STAU2: variants seen among roughly 807,000 people sequenced by gnomAD.
STAU2 encodes staufen double-stranded RNA binding protein 2.
Under a neutral mutation model 65.9 loss-of-function variants are expected in STAU2, and 20 were observed. The observed-to-expected ratio is 0.30, with a 90% CI of 0.21 to 0.44. The LOEUF (loss-of-function observed/expected upper bound fraction) is 0.44. Among genes scored for constraint, STAU2 ranks in the 20% least tolerant of loss-of-function variants. The pLI, the probability that STAU2 is intolerant of heterozygous loss-of-function variation, is 1.00. For missense variants in STAU2, 558 were observed against 683.9 expected, an observed-to-expected ratio of 0.82 and a Z score of 2.05; for synonymous variants, 232 against 233.9, an observed-to-expected ratio of 0.99 and a Z score of 0.07.
intron 13 of STAU2, among the ~76,000 whole-genome samples, chr8:73,533,273 TC>T (rs1238074883): frequency 1.3e-5 from 2 of 152,260 alleles, no homozygotes; most frequent in African/African-American, 4.8e-5. Flanking sequence ...ATATTTTGTT[TC>T]TTTCTCATGA....
chr8:73,552,368 T>C (rs771917720), intron 12 of STAU2, 49 bp from the exon 13 acceptor site: 2 of 1,489,626 alleles, frequency 1.3e-6, no homozygotes, highest in Non-Finnish European at 1.8e-6. Flanking sequence ...ATAACCGAAA[T>C]AGAAACATAG....
chr8:73,454,842 A>G (rs1043730482), intron 13 of STAU2, among the ~76,000 whole-genome samples: 3 of 152,212 alleles, frequency 2.0e-5, no homozygotes, highest in African/African-American at 7.2e-5. Context: ...TTTATAGTAA[A>G]GCCACAGTAG....
At chr8:73,580,842 T>C (rs903990938) in intron 12 of STAU2, among the ~76,000 whole-genome samples, 14 of 152,164 alleles carry the variant, frequency 9.2e-5, no homozygotes, top group Admixed American at 4.6e-4. Context: ...AAAGAACTCT[T>C]AGAGCAGCTT....
At chr8:73,506,427 G>C (rs1478354796) in intron 13 of STAU2, among the ~76,000 whole-genome samples, 1 of 151,900 alleles carries the variant, frequency 6.6e-6, no homozygotes, top group Non-Finnish European at 1.5e-5. Context: ...AACTTTTTTT[G>C]TTTCCCAGTC....
chr8:73,731,960 A>T (rs989552308), intron 3 of STAU2, among the ~76,000 whole-genome samples: 3 of 152,178 alleles, frequency 2.0e-5, no homozygotes, highest in African/African-American at 4.8e-5. Flanking sequence ...AAAAAAATTT[A>T]AAAACAAACA....
At chr8:73,714,911 G>A (rs146191003) in intron 3 of STAU2, among the ~76,000 whole-genome samples, 4 of 151,868 alleles carry the variant, frequency 2.6e-5, no homozygotes, top group Non-Finnish European at 4.4e-5. Context: ...GTGAAACCCC[G>A]TCTCTACAAA....
chr8:73,484,728 G>C (rs1285229922), intron 13 of STAU2, among the ~76,000 whole-genome samples: 1 of 152,006 alleles, frequency 6.6e-6, no homozygotes, highest in African/African-American at 2.4e-5. Flanking sequence ...TGACCAGCCT[G>C]TGATTCCCAG....
chr8:73,649,706 C>T (rs1331373766), intron 6 of STAU2, among the ~76,000 whole-genome samples: 1 of 151,362 alleles, frequency 6.6e-6, no homozygotes, highest in African/African-American at 2.4e-5. Context: ...ATGGACAGGG[C>T]AGTTTGTATG....
chr8:73,601,409 C>A (rs1436143492), intron 10 of STAU2, among the ~76,000 whole-genome samples: 1 of 151,792 alleles, frequency 6.6e-6, no homozygotes, highest in Non-Finnish European at 1.5e-5. Context: ...AATAAAATAC[C>A]CAAATAATGT....
intron 13 of STAU2, among the ~76,000 whole-genome samples, chr8:73,441,866 AATTAT>A (rs1563594046): frequency 6.6e-6 from 1 of 152,218 alleles, no homozygotes; most frequent in Non-Finnish European, 1.5e-5. Context: ...GTTTTATGTC[AATTAT>A]ATTATCACAA....
At chr8:73,703,709 T>C (rs1820286413) in intron 4 of STAU2, among the ~76,000 whole-genome samples, 1 of 151,832 alleles carries the variant, frequency 6.6e-6, no homozygotes, top group Non-Finnish European at 1.5e-5. Flanking sequence ...CTGGTAGGAG[T>C]ACATACCACT....
chr8:73,605,464 A>G (rs893953710), intron 9 of STAU2, among the ~76,000 whole-genome samples: 1 of 151,820 alleles, frequency 6.6e-6, no homozygotes, highest in Non-Finnish European at 1.5e-5. Context: ...GCACGCCACC[A>G]TGCCTGGTTA....
At chr8:73,620,104 T>C (rs1813118747) in intron 6 of STAU2, among the ~76,000 whole-genome samples, 1 of 152,226 alleles carries the variant, frequency 6.6e-6, no homozygotes, top group Non-Finnish European at 1.5e-5. Context: ...AGAAATTTAT[T>C]TTAATTCCTT....
chr8:73,474,326 A>G (rs1330016095), intron 13 of STAU2, among the ~76,000 whole-genome samples: 2 of 152,176 alleles, frequency 1.3e-5, no homozygotes, highest in African/African-American at 2.4e-5. Context: ...ACCTTATAAA[A>G]TGCAAATAAA....
In STAU2 at chr8:73,552,176, G is replaced by A. The variant is rs765489364; in HGVS notation, c.1366C>T (p.Pro456Ser). Reference protein sequence around the residue: ...QPSSSFFSISPTSNSSATIAR... With the variant: ...QPSSSFFSISSTSNSSATIAR... ...ATTGTAGCTGAACTATTCGATGTGG[G>A]AGATATACTGAAGAAAGAGCTTGAA... The change falls in exon 13 of 15, where the codon CCC becomes TCC. Residue 456 changes from proline to serine, a missense_variant. This residue lies in a region of STAU2 where 247 missense variants were observed against 270.1 expected (regional missense o/e 0.91). Transcript: ENST00000524300. The A allele has an allele frequency of 1.9e-6, 3 of 1,613,988 alleles. No homozygotes were observed. The highest frequency in any genetic ancestry group is 2.2e-5 in the East Asian group (1 of 44,870).
At chr8:73,429,990 A>T (rs1817141104) in intron 13 of STAU2, among the ~76,000 whole-genome samples, 1 of 152,304 alleles carries the variant, frequency 6.6e-6, no homozygotes, top group South Asian at 2.1e-4. Flanking sequence ...TTCGCTCAGC[A>T]CTTCCGTAAC....
rs186827977 is a variant in STAU2 at position 73,670,272 on chromosome 8, T to C, written c.410+2835A>G. Among the ~76,000 whole-genome samples the C allele has an allele frequency of 7.9e-3, 1,208 of 151,966 alleles. 14 individuals carry two copies. The highest frequency in any genetic ancestry group is 0.041 in the South Asian group (199 of 4,798). On this transcript the variant is annotated intron_variant, in intron 6 of 14. Transcript: ENST00000524300. Reference sequence around the variant, plus strand: ...TATGCATCACAATTAGAAGCAGAGATGTTACAGGAGAGAATGAAATATACC... The same window carrying C: ...TATGCATCACAATTAGAAGCAGAGACGTTACAGGAGAGAATGAAATATACC...
chr8:73,732,845 A>C (rs1031849478), intron 3 of STAU2: 10 of 152,134 alleles, frequency 6.6e-5, no homozygotes, highest in African/African-American at 2.4e-4. Context: ...CCAGTCAGGC[A>C]GCAATAGCCA....
At chr8:73,454,042 C>G (rs1008890167) in intron 13 of STAU2, among the ~76,000 whole-genome samples, 1 of 149,906 alleles carries the variant, frequency 6.7e-6, no homozygotes, top group Non-Finnish European at 1.5e-5. Context: ...TCACCTAATT[C>G]TAAATATATT....
Sources: gnomAD v4.1 joint callset for allele counts (sites outside exome capture counted in the v4.1 genomes callset) on GRCh38, gnomAD v4.1.1 for gene constraint, gnomAD v4.1.1 regional missense constraint, MANE v1.5 for transcripts, NCBI Gene and HGNC (gene_info 2026-07-23, HGNC 2026-07-21) for gene names.